DTWD2: variants seen among roughly 807,000 people sequenced by gnomAD.
DTWD2 encodes tRNA-uridine aminocarboxypropyltransferase 2.
DTWD2 carries 39 observed loss-of-function variants against 31.8 expected under a neutral mutation model. That is an observed-to-expected ratio of 1.22 (90% CI 0.95 to 1.60). DTWD2 has a LOEUF of 1.60. DTWD2 is among the 40% of genes most tolerant of loss of function. DTWD2 has a pLI of 0.00. For synonymous variants in DTWD2, 180 were observed against 142.8 expected (o/e 1.26, Z -1.86); for missense variants, 515 against 381.5 (o/e 1.35, Z -2.92).
intron 3 of DTWD2, among the ~76,000 whole-genome samples, chr5:118,935,281 T>G (rs1405661360): frequency 6.6e-6 from 1 of 152,124 alleles, no homozygotes; most frequent in Non-Finnish European, 1.5e-5. Context: ...TGGTAAACAT[T>G]AAGTGTTTCT....
At chr5:118,940,260 G>A (rs1178240181) in intron 2 of DTWD2, among the ~76,000 whole-genome samples, 1 of 152,152 alleles carries the variant, frequency 6.6e-6, no homozygotes, top group Non-Finnish European at 1.5e-5. Flanking sequence ...CAAGTGATTA[G>A]TTACTCCGCC....
intron 3 of DTWD2, among the ~76,000 whole-genome samples, chr5:118,930,316 C>A (rs1056137750): frequency 2.0e-5 from 3 of 151,910 alleles, no homozygotes; most frequent in Non-Finnish European, 2.9e-5. Flanking sequence ...CACCCTTTGC[C>A]CACAAGCAAA....
At chr5:118,887,840 T>C (rs1391003864) in intron 4 of DTWD2, among the ~76,000 whole-genome samples, 2 of 152,172 alleles carry the variant, frequency 1.3e-5, no homozygotes, top group Non-Finnish European at 2.9e-5. Context: ...GAGGTCTCTC[T>C]ATGCTGCCCA....
chr5:118,876,126 A>G (rs778187614), intron 4 of DTWD2, among the ~76,000 whole-genome samples: 1 of 152,252 alleles, frequency 6.6e-6, no homozygotes, highest in Admixed American at 6.5e-5. Flanking sequence ...AATGAAATGA[A>G]GGCAGAAATC....
chr5:118,916,609 G>A (rs1471155129), intron 4 of DTWD2, among the ~76,000 whole-genome samples: 2 of 150,186 alleles, frequency 1.3e-5, no homozygotes, highest in African/African-American at 4.9e-5. Context: ...AGGTTGCAGT[G>A]AGTGGCAATC....
chr5:118,925,883 C>T (rs1296354867), intron 4 of DTWD2, among the ~76,000 whole-genome samples: 1 of 151,706 alleles, frequency 6.6e-6, no homozygotes, highest in African/African-American at 2.4e-5. Flanking sequence ...ACCGTTCAGT[C>T]AAGCAATCCC....
At chr5:118,954,822 G>A (rs1189941804) in intron 1 of DTWD2, among the ~76,000 whole-genome samples, 2 of 152,064 alleles carry the variant, frequency 1.3e-5, no homozygotes, top group African/African-American at 2.4e-5. Flanking sequence ...TGCCCAGCCT[G>A]AAGGAATATC....
At chr5:118,905,144 T>A (rs749502284) in intron 4 of DTWD2, among the ~76,000 whole-genome samples, 1 of 152,182 alleles carries the variant, frequency 6.6e-6, no homozygotes, top group Admixed American at 6.5e-5. Flanking sequence ...TATAAGCATA[T>A]GTTTTAAAAA....
At chr5:118,918,359 C>G (rs1465893523) in intron 4 of DTWD2, among the ~76,000 whole-genome samples, 1 of 151,036 alleles carries the variant, frequency 6.6e-6, no homozygotes, top group African/African-American at 2.4e-5. Context: ...TGGAGTCTCG[C>G]TCTGTTGCCC....
rs967578081 is a variant in DTWD2 at position 118,838,860 on chromosome 5, G to T, written c.*2057C>A. Reference sequence around the variant, plus strand: ...TTGAGATACAAAATGGTATACTGGGGGTAGGGGGAGTTTTCTTTTTAAAAA... The same window carrying T: ...TTGAGATACAAAATGGTATACTGGGTGTAGGGGGAGTTTTCTTTTTAAAAA... On this transcript the variant is annotated 3_prime_UTR_variant, in exon 6 of 6. Coordinates refer to ENST00000510708, the MANE Select transcript of DTWD2 (RefSeq NM_173666.4). The T allele has an allele frequency of 1.6e-4, 25 of 152,162 alleles. No homozygotes were observed. The highest frequency in any genetic ancestry group is 6.0e-4 in the African/African-American group (25 of 41,520). 9.4% of individuals were successfully genotyped at this position (152,162 alleles called of 1,614,324 possible). A position where few individuals can be genotyped will look rare whatever the true frequency, so the allele number is the denominator to read the frequency against.
At chr5:118,879,478 C>T (rs1191588890) in intron 4 of DTWD2, among the ~76,000 whole-genome samples, 11 of 151,800 alleles carry the variant, frequency 7.2e-5, no homozygotes, top group African/African-American at 2.2e-4. Context: ...GGCATGGAGG[C>T]GCACACCTGT....
chr5:118,844,026 T>A (rs941776139), intron 5 of DTWD2, among the ~76,000 whole-genome samples: 1 of 152,240 alleles, frequency 6.6e-6, no homozygotes, highest in Admixed American at 6.5e-5. Flanking sequence ...GGATGAATTA[T>A]CTAGATAGTT....
chr5:118,923,387 G>C (rs530792826), intron 4 of DTWD2, among the ~76,000 whole-genome samples: 19 of 152,248 alleles, frequency 1.2e-4, no homozygotes, highest in African/African-American at 3.6e-4. Flanking sequence ...AAACTTCCTG[G>C]TCATGCTCAC....
intron 4 of DTWD2, among the ~76,000 whole-genome samples, chr5:118,905,426 A>G (rs1376913645): frequency 6.6e-6 from 1 of 152,144 alleles, no homozygotes; most frequent in South Asian, 2.1e-4. Flanking sequence ...GCCTGTCCTG[A>G]TAAGATATAG....
At chr5:118,846,208 T>C (rs778048993) in intron 5 of DTWD2, among the ~76,000 whole-genome samples, 5 of 152,128 alleles carry the variant, frequency 3.3e-5, no homozygotes, top group Non-Finnish European at 5.9e-5. Flanking sequence ...TACAAGTAGA[T>C]GGTATATTAA....
chr5:118,975,854 T>C (rs956042574), intron 1 of DTWD2, among the ~76,000 whole-genome samples: 3 of 152,206 alleles, frequency 2.0e-5, no homozygotes, highest in Non-Finnish European at 2.9e-5. Flanking sequence ...CTAATAGACA[T>C]CTACAGAACT....
At chr5:118,925,994 C>T (rs530202931) in intron 4 of DTWD2, among the ~76,000 whole-genome samples, 3 of 151,998 alleles carry the variant, frequency 2.0e-5, no homozygotes, top group Non-Finnish European at 2.9e-5. Flanking sequence ...CTTTGGGAAG[C>T]CGAGGTAGGG....
chr5:118,871,004 T>C (rs1752489767), intron 4 of DTWD2, among the ~76,000 whole-genome samples: 1 of 150,922 alleles, frequency 6.6e-6, no homozygotes, highest in Non-Finnish European at 1.5e-5. Flanking sequence ...TATAATATTC[T>C]AAATTTTAAT....
At chr5:118,862,614 C>T (rs185228953) in intron 4 of DTWD2, among the ~76,000 whole-genome samples, 1 of 152,258 alleles carries the variant, frequency 6.6e-6, no homozygotes, top group East Asian at 1.9e-4. Flanking sequence ...AAATACTATA[C>T]ATATATACCA....
Sources: allele counts gnomAD v4.1 joint callset (sites outside exome capture counted in the v4.1 genomes callset), GRCh38; gene constraint gnomAD v4.1.1; transcripts MANE v1.5; gene names NCBI Gene and HGNC (gene_info 2026-07-23, HGNC 2026-07-21).